Variants in PCCB observed in about 807,000 individuals in gnomAD.
The protein encoded by PCCB is propionyl-CoA carboxylase subunit beta.
PCCB carries 43 observed loss-of-function variants against 60.7 expected under a neutral mutation model. That is an observed-to-expected ratio of 0.71 (90% CI 0.55 to 0.91). The LOEUF (loss-of-function observed/expected upper bound fraction) is 0.91. Ranked by LOEUF, PCCB falls within the 40% of genes least tolerant of loss-of-function variation. PCCB has a pLI of 0.00. For missense variants in PCCB, 766 were observed against 702.8 expected (o/e 1.09, Z -1.02); for synonymous variants, 276 against 255.9 (o/e 1.08, Z -0.75).
At chr3:136,261,440 A>G (rs1430136353) in intron 4 of PCCB, among the ~76,000 whole-genome samples, 1 of 152,192 alleles carries the variant, frequency 6.6e-6, no homozygotes, top group African/African-American at 2.4e-5. Flanking sequence ...AGTACTTTTT[A>G]AACTGTCAAG....
At chr3:136,256,023 TG>T (rs1941663921) in intron 2 of PCCB, 48 bp downstream of exon 2, 5 of 1,613,454 alleles carry the variant, frequency 3.1e-6, no homozygotes, top group Non-Finnish European at 4.2e-6. Flanking sequence ...GTGGCTCAGC[TG>T]GCCTACCCAC....
At chr3:136,323,457 T>A (rs1935179342) in intron 10 of PCCB, among the ~76,000 whole-genome samples, 1 of 152,160 alleles carries the variant, frequency 6.6e-6, no homozygotes, top group Non-Finnish European at 1.5e-5. Context: ...TAGTTCTTTG[T>A]CCATGTTTTC....
At chr3:136,271,543 T>C (rs1942202724) in intron 5 of PCCB, among the ~76,000 whole-genome samples, 1 of 152,068 alleles carries the variant, frequency 6.6e-6, no homozygotes, top group Non-Finnish European at 1.5e-5. Context: ...CAGCAGCGTT[T>C]TGTAGTTTCA....
intron 9 of PCCB, among the ~76,000 whole-genome samples, chr3:136,308,844 T>C (rs1276388414): frequency 6.6e-6 from 1 of 151,690 alleles, no homozygotes; most frequent in Non-Finnish European, 1.5e-5. Context: ...AAGGGGAAAA[T>C]AGAAACCAAA....
At chr3:136,292,674 C>T (rs771707475) in intron 6 of PCCB, among the ~76,000 whole-genome samples, 1 of 152,126 alleles carries the variant, frequency 6.6e-6, no homozygotes, top group African/African-American at 2.4e-5. Context: ...GTATTGAACA[C>T]TATGTGTATT....
In PCCB at chr3:136,293,824, G is replaced by A. The variant is rs751695055; in HGVS notation, c.723G>A (p.Gln241=). The A allele has an allele frequency of 4.7e-5, 76 of 1,612,892 alleles. No individual in the cohort carries two copies. The highest frequency in any genetic ancestry group is 6.0e-5 in the Non-Finnish European group (71 of 1,179,020). Reference sequence around the variant, plus strand: ...CTGTCACCAATGAGGATGTTACCCAGGAGGAGCTCGGTGGTGCCAAGACCC... The same window carrying A: ...CTGTCACCAATGAGGATGTTACCCAAGAGGAGCTCGGTGGTGCCAAGACCC... ...VKSVTNEDVT[Q]EELGGAKTHT... The change falls in exon 7 of 15, where the codon CAG becomes CAA. Residue 241 remains glutamine, a synonymous_variant. Coordinates refer to ENST00000251654, the MANE Select transcript of PCCB (RefSeq NM_000532.5).
chr3:136,262,134 A>T, intron 5 of PCCB, 69 bp downstream of exon 5: 1 of 972,562 alleles, frequency 1.0e-6, no homozygotes, highest in Non-Finnish European at 1.6e-6. Context: ...GCCTGGCCAG[A>T]GCTTCTCCAA....
At position 136,260,333 on chromosome 3, in the gene PCCB, C is replaced by T. The variant is rs535944583; in HGVS notation, c.373-146C>T. The stretch of plus-strand genomic sequence containing the variant: ...ACTCAAGCCATCCACCTGCCTTGGC[C>T]TCCCAAAGTGTTGGGATTACAGGCA... On this transcript the variant is annotated intron_variant, in intron 3 of 14. Transcript: ENST00000251654. The T allele has an allele frequency of 3.3e-5, 24 of 724,360 alleles. No individual in the cohort carries two copies. The African/African-American group carries it at 4.0e-4, about 12-fold the overall frequency. 44.9% of individuals were successfully genotyped at this position (724,360 alleles called of 1,614,324 possible).
At chr3:136,293,550 C>G (rs1212047249) in intron 6 of PCCB, among the ~76,000 whole-genome samples, 1 of 152,138 alleles carries the variant, frequency 6.6e-6, no homozygotes, top group Non-Finnish European at 1.5e-5. Context: ...TGAGGTAGAA[C>G]TGTGCAACAG....
In PCCB at chr3:136,256,577, C is replaced by G. The variant is rs760709130; in HGVS notation, c.326C>G (p.Thr109Ser). ...KNKFPGDSVV[T>S]GRGRINGRLV... ...TAGTTTCCTGGAGACAGCGTGGTCA[C>G]TGGACGAGGCCGAATCAATGGAAGA... Residue 109 changes from threonine (T) to serine (S), a missense_variant, in exon 3 of 15, where the codon ACT (threonine) becomes AGT (serine). Coordinates refer to ENST00000251654, the MANE Select transcript of PCCB (RefSeq NM_000532.5). The G allele has an allele frequency of 1.2e-6, 2 of 1,613,274 alleles. No homozygotes were observed.
intron 5 of PCCB, among the ~76,000 whole-genome samples, chr3:136,273,764 T>C (rs1187998014): frequency 6.6e-6 from 1 of 150,712 alleles, no homozygotes; most frequent in Non-Finnish European, 1.5e-5. Context: ...TACAAAAAAT[T>C]AGCCGGGCGT....
intron 6 of PCCB, among the ~76,000 whole-genome samples, chr3:136,285,551 CG>C (rs374699940): frequency 1.3e-5 from 2 of 150,542 alleles, no homozygotes; most frequent in African/African-American, 4.9e-5. Context: ...ACCACTAAAT[CG>C]TTTTTTTTTT....
At chr3:136,265,073 A>C (rs932387310) in intron 5 of PCCB, among the ~76,000 whole-genome samples, 6 of 151,994 alleles carry the variant, frequency 3.9e-5, no homozygotes, top group African/African-American at 1.5e-4. Flanking sequence ...GAGCGCCTGT[A>C]ATCCCAGCTA....
rs1410337209 is a variant in PCCB, at chr3:136,268,122, GTATATA to G, written c.543+6071_543+6076del. ...TATATATATATATATATATATATAT[GTATATA>G]TATATATATATATCTACATACACAA... On this transcript the variant is annotated intron_variant, in intron 5 of 14. Transcript: ENST00000251654. Among the ~76,000 whole-genome samples the G allele has an allele frequency of 1.3e-3, 99 of 74,862 alleles. 1 individual carries two copies. The highest frequency in any genetic ancestry group is 2.2e-3 in the Non-Finnish European group (85 of 39,192). The allele number at this position is 74,862 out of a possible 152,430, so 49.1% of individuals were successfully genotyped here.
At chr3:136,269,094 A>G (rs908347107) in intron 5 of PCCB, among the ~76,000 whole-genome samples, 6 of 152,088 alleles carry the variant, frequency 3.9e-5, no homozygotes, top group Admixed American at 3.3e-4. Context: ...TAGCCTGGCT[A>G]ACATAGTGAA....
At chr3:136,277,715 A>G (rs1942367429) in intron 5 of PCCB, among the ~76,000 whole-genome samples, 1 of 152,158 alleles carries the variant, frequency 6.6e-6, no homozygotes, top group Admixed American at 6.5e-5. Flanking sequence ...GGTGGCACTA[A>G]GCCTCACCCA....
In PCCB at chr3:136,259,250, T is replaced by C. The variant is rs7642585; in HGVS notation, c.373-1229T>C. 698 of 869,150 alleles carry C rather than the reference T, an allele frequency of 8.0e-4. 7 individuals carry two copies. The African/African-American group carries it at 0.011, about 14-fold the overall frequency. 53.8% of individuals were successfully genotyped at this position (869,150 alleles called of 1,614,324 possible). ...GGGAGGCCGAGGTGGGTAGATCACT[T>C]GAGGCCAGGAGTTTGAAACTGGCCT... On this transcript the variant is annotated intron_variant, in intron 3 of 14. Transcript: ENST00000251654.
intron 7 of PCCB, among the ~76,000 whole-genome samples, chr3:136,294,618 G>A (rs1179320667): frequency 7.0e-6 from 1 of 142,332 alleles, no homozygotes; most frequent in Non-Finnish European, 1.5e-5. Context: ...CTTTTGTTTT[G>A]TTTTGTTTTT....
rs755608819 is a variant in PCCB, at chr3:136,260,267, G to A, written c.373-212G>A. ...TTTTTTCTATATTTTTTGCAGATAC[G>A]GGCTTCTGCCATGTCGCCCAGGCTG... On this transcript the variant is annotated intron_variant, in intron 3 of 14. Transcript: ENST00000251654. 146 of 637,186 alleles carry A rather than the reference G, an allele frequency of 2.3e-4. No individual in the cohort carries two copies. Among genetic ancestry groups the A allele is most frequent in the Non-Finnish European group, 2.6e-4 (93 of 352,366 alleles). The allele number at this position is 637,186 out of a possible 1,614,324, so 39.5% of individuals were successfully genotyped here.
Sources: allele counts gnomAD v4.1 joint callset (sites outside exome capture counted in the v4.1 genomes callset), GRCh38; gene constraint gnomAD v4.1.1; transcripts MANE v1.5; gene names NCBI Gene and HGNC (gene_info 2026-07-23, HGNC 2026-07-21).